EDIL3: variants seen among roughly 807,000 people sequenced by gnomAD.
EDIL3 encodes the protein EGF like and discoidin domains 3.
A neutral mutation model predicts 67.4 loss-of-function variants in EDIL3; 37 were observed. That is an observed-to-expected ratio of 0.55 (90% CI 0.42 to 0.72). EDIL3 has a LOEUF of 0.72. Among genes scored for constraint, EDIL3 ranks in the 30% least tolerant of loss-of-function variants. The pLI is 0.00. For missense variants in EDIL3, 527 were observed against 586.3 expected (o/e 0.90, Z 1.04); for synonymous variants, 195 against 196.3 (o/e 0.99, Z 0.05).
At chr5:84,078,490 T>C (rs1279130291) in intron 6 of EDIL3, 1 of 152,090 alleles carries the variant, frequency 6.6e-6, no homozygotes, top group Admixed American at 6.6e-5. Flanking sequence ...TCTCCAATAA[T>C]TGACTTCAAA....
chr5:84,220,143 C>T (rs771620947), intron 3 of EDIL3, among the ~76,000 whole-genome samples: 22 of 152,072 alleles, frequency 1.4e-4, no homozygotes, highest in Non-Finnish European at 2.9e-4. Flanking sequence ...AGGGTAAATG[C>T]TTGAGAAGAT....
rs188318610 is a variant in EDIL3 at position 84,051,719 on chromosome 5, A to G, written c.1137+8581T>C. Among the ~76,000 whole-genome samples, 189 of 152,380 alleles carry G rather than the reference A, an allele frequency of 1.2e-3. 2 individuals carry two copies. The highest frequency in any genetic ancestry group is 3.2e-4 in the Non-Finnish European group (22 of 68,044). On this transcript the variant is annotated intron_variant, in intron 9 of 10. Transcript: ENST00000296591. The stretch of plus-strand genomic sequence containing the variant: ...GAAGAAAGGGTATCAGTGACTGAAG[A>G]TCAAATGAATGAAATGAAGCGAGAA...
intron 1 of EDIL3, among the ~76,000 whole-genome samples, chr5:84,343,684 T>A (rs1159729754): frequency 6.6e-6 from 1 of 152,082 alleles, no homozygotes; most frequent in Non-Finnish European, 1.5e-5. Context: ...TATACATGTA[T>A]TTATTCTGAT....
chr5:84,337,213 A>G (rs1197180732), intron 1 of EDIL3, among the ~76,000 whole-genome samples: 2 of 152,190 alleles, frequency 1.3e-5, no homozygotes, highest in African/African-American at 2.4e-5. Flanking sequence ...TCCTTAAAGG[A>G]ATTGAATTGT....
intron 9 of EDIL3, among the ~76,000 whole-genome samples, chr5:83,973,808 T>A (rs993011276): frequency 6.6e-6 from 1 of 151,996 alleles, no homozygotes; most frequent in African/African-American, 2.4e-5. Flanking sequence ...AAATATAGGT[T>A]GGTGCAAAAG....
chr5:84,263,334 AG>A (rs1745274213), intron 1 of EDIL3, among the ~76,000 whole-genome samples: 1 of 152,212 alleles, frequency 6.6e-6, no homozygotes, highest in Non-Finnish European at 1.5e-5. Flanking sequence ...GTCTTGCTTT[AG>A]AAAAGGTGAT....
At chr5:84,110,381 A>G (rs945262845) in intron 5 of EDIL3, among the ~76,000 whole-genome samples, 1 of 152,198 alleles carries the variant, frequency 6.6e-6, no homozygotes, top group African/African-American at 2.4e-5. Flanking sequence ...AAACCAGTGA[A>G]GGAATTACAA....
Position 84,144,378 on chromosome 5 carries a change from T to G in EDIL3, c.356-7024A>C, listed in dbSNP as rs192417207. On this transcript the variant is annotated intron_variant, in intron 4 of 10. Transcript: ENST00000296591. The stretch of plus-strand genomic sequence containing the variant: ...GAATGCAACAATTAATATGTCACAA[T>G]CTGTAATGTTTCTGAAGCTCTTACA... Among the ~76,000 whole-genome samples, 15 of 151,800 alleles carry G rather than the reference T, an allele frequency of 9.9e-5. 1 individual carries two copies. In the East Asian group the frequency reaches 2.9e-3, roughly 30 times the overall value.
At chr5:84,138,962 G>A (rs991373853) in intron 4 of EDIL3, among the ~76,000 whole-genome samples, 19 of 152,154 alleles carry the variant, frequency 1.2e-4, no homozygotes, top group African/African-American at 4.3e-4. Flanking sequence ...AGACTCAGCC[G>A]GGCGTGGTGG....
chr5:84,076,540 G>A (rs574208212), intron 6 of EDIL3, among the ~76,000 whole-genome samples: 2 of 152,126 alleles, frequency 1.3e-5, no homozygotes, highest in South Asian at 2.1e-4. Flanking sequence ...CTGGCTCACC[G>A]AGCTACGTAG....
chr5:84,227,996 T>C (rs1382653742), intron 3 of EDIL3, among the ~76,000 whole-genome samples: 1 of 152,036 alleles, frequency 6.6e-6, no homozygotes, highest in Non-Finnish European at 1.5e-5. Context: ...GGATGCAATA[T>C]ACCCATGTAA....
At chr5:84,243,515 T>C (rs1266550206) in intron 2 of EDIL3, among the ~76,000 whole-genome samples, 1 of 152,182 alleles carries the variant, frequency 6.6e-6, no homozygotes, top group Non-Finnish European at 1.5e-5. Context: ...TAATGAGTTC[T>C]GTGTCCAGTG....
intron 1 of EDIL3, among the ~76,000 whole-genome samples, chr5:84,286,139 T>C (rs1580055341): frequency 6.6e-6 from 1 of 152,168 alleles, no homozygotes; most frequent in Non-Finnish European, 1.5e-5. Flanking sequence ...GAGCTTTGGC[T>C]TTCTGCACCA....
rs1191246147 is a variant in EDIL3, at chr5:84,246,945, CTTAA to C, written c.196+7135_196+7138del. On this transcript the variant is annotated intron_variant, in intron 2 of 10. Transcript: ENST00000296591. ...TGCAAAATTAGTACGAAAACTTTCCCTTAATTATCTGTCATCTTAACTGCACAAT... is the reference window on the plus strand; with the variant it reads ...TGCAAAATTAGTACGAAAACTTTCCCTTATCTGTCATCTTAACTGCACAAT... Among the ~76,000 whole-genome samples the C allele has an allele frequency of 7.9e-5, 12 of 152,146 alleles. No homozygotes were observed. In the South Asian group the frequency reaches 1.5e-3, roughly 18 times the overall value.
intron 1 of EDIL3, among the ~76,000 whole-genome samples, chr5:84,356,889 C>CTTTTTTTTTTTT (rs1189590387): frequency 3.7e-4 from 12 of 32,094 alleles, no homozygotes; most frequent in Non-Finnish European, 4.5e-4. Context: ...ATCTTTCTTT[C>CTTTTTTTTTTTT]TTTTTTTTTT....
intron 9 of EDIL3, among the ~76,000 whole-genome samples, chr5:84,036,348 C>CT (rs1473127238): frequency 6.6e-6 from 1 of 152,130 alleles, no homozygotes; most frequent in African/African-American, 2.4e-5. Flanking sequence ...CCATACTCTC[C>CT]TTCTCTGGAT....
intron 8 of EDIL3, 84 bp from the exon 9 acceptor site, chr5:84,060,568 A>C: frequency 7.0e-7 from 1 of 1,421,096 alleles, no homozygotes. Context: ...AGGCAAGAGA[A>C]GATTAAACAT....
At chr5:84,017,387 G>T (rs2112187273) in intron 9 of EDIL3, among the ~76,000 whole-genome samples, 1 of 152,202 alleles carries the variant, frequency 6.6e-6, no homozygotes, top group African/African-American at 2.4e-5. Flanking sequence ...TTTCACTTGT[G>T]AAACATGTAA....
chr5:84,210,333 T>A lies in EDIL3; in HGVS notation c.226+19522A>T, dbSNP rs1744092688. Among the ~76,000 whole-genome samples the A allele has an allele frequency of 2.0e-5, 3 of 152,160 alleles. No homozygotes were observed. In the South Asian group the frequency reaches 6.2e-4, roughly 31 times the overall value. On this transcript the variant is annotated intron_variant, in intron 3 of 10. Transcript: ENST00000296591. ...GATGTGTTACTCTAACTAAACTGAC[T>A]GGATAAAATATGTGTATTTTAGTTT...
Sources: gnomAD v4.1 joint callset for allele counts (sites outside exome capture counted in the v4.1 genomes callset) on GRCh38, gnomAD v4.1.1 for gene constraint, MANE v1.5 for transcripts, NCBI Gene and HGNC (gene_info 2026-07-23, HGNC 2026-07-21) for gene names.